PDE4D: variants seen among roughly 807,000 people sequenced by gnomAD.
PDE4D encodes phosphodiesterase 4D.
PDE4D carries 24 observed loss-of-function variants against 87.4 expected under a neutral mutation model. The observed-to-expected ratio is 0.27, with a 90% confidence interval of 0.20 to 0.39. The LOEUF (loss-of-function observed/expected upper bound fraction) is 0.39, where lower values mean the gene tolerates loss of function less well. PDE4D is among the 10% of genes least tolerant of loss of function. The pLI is 1.00. For synonymous variants in PDE4D, 384 were observed against 383.2 expected, an observed-to-expected ratio of 1.00 and a Z score of -0.02; for missense variants, 714 against 1,041.0, an observed-to-expected ratio of 0.69 and a Z score of 4.32.
intron 1 of PDE4D, among the ~76,000 whole-genome samples, chr5:59,547,325 C>A (rs1230872147): frequency 1.3e-5 from 2 of 152,024 alleles, no homozygotes; most frequent in Admixed American, 1.3e-4. Flanking sequence ...GCAGTATATA[C>A]ATAATTCAAA....
rs150340196 is a variant in PDE4D at position 59,200,672 on chromosome 5, G to T, written c.648-7136C>A. 1.7e-4 allele frequency among the ~76,000 whole-genome samples: 14 copies of T among 83,602 alleles called. 1 individual carries two copies. Among genetic ancestry groups the T allele is most frequent in the African/African-American group, 6.0e-4 (12 of 19,904 alleles). 54.8% of individuals were successfully genotyped at this position (83,602 alleles called of 152,430 possible). ...GTATACATACATATGTGTATGTATA[G>T]ATACACGTATACATACATATGTGTA... On this transcript the variant is annotated intron_variant, in intron 2 of 14. Coordinates refer to ENST00000340635, the MANE Select transcript of PDE4D (RefSeq NM_001104631.2).
At chr5:60,391,926 T>C (rs1322934149) in intron 1 of PDE4D, among the ~76,000 whole-genome samples, 1 of 152,192 alleles carries the variant, frequency 6.6e-6, no homozygotes, top group Non-Finnish European at 1.5e-5. Flanking sequence ...TGAGGTATAG[T>C]ACAAACTTCC....
At chr5:59,893,045 T>C in intron 1 of PDE4D, 123 bp downstream of exon 1, 1 of 1,017,386 alleles carries the variant, frequency 9.8e-7, no homozygotes. Flanking sequence ...CCTCCCCCAA[T>C]TTCCAGACTA....
chr5:59,115,081 T>G (rs891148462), intron 5 of PDE4D, among the ~76,000 whole-genome samples: 3 of 144,564 alleles, frequency 2.1e-5, no homozygotes, highest in Non-Finnish European at 4.6e-5. Context: ...GAAGGGGCGA[T>G]AGATGGAGCA....
At chr5:60,365,454 C>T (rs1760438025) in intron 1 of PDE4D, among the ~76,000 whole-genome samples, 2 of 152,110 alleles carry the variant, frequency 1.3e-5, no homozygotes, top group Admixed American at 6.5e-5. Flanking sequence ...AAGTCCCTAC[C>T]ACTCCTTACG....
intron 1 of PDE4D, among the ~76,000 whole-genome samples, chr5:60,401,134 G>A (rs1291223447): frequency 4.6e-5 from 7 of 152,084 alleles, no homozygotes; most frequent in South Asian, 2.1e-4. Context: ...TTTTAAATAC[G>A]GGGAAGATGT....
chr5:59,393,770 A>C (rs774343295), intron 1 of PDE4D, among the ~76,000 whole-genome samples: 38 of 152,232 alleles, frequency 2.5e-4, no homozygotes, highest in Non-Finnish European at 4.7e-4. Flanking sequence ...ACTCATCTTC[A>C]ATCAAGGGCA....
intron 1 of PDE4D, among the ~76,000 whole-genome samples, chr5:59,392,607 G>C (rs1185354613): frequency 6.6e-6 from 1 of 151,422 alleles, no homozygotes; most frequent in African/African-American, 2.4e-5. Context: ...TAATTTCTGT[G>C]TTCTCTTGAA....
rs545725073 is a variant in PDE4D, at chr5:59,794,024, C to T, written c.455+99144G>A. Among the ~76,000 whole-genome samples the T allele has an allele frequency of 7.2e-5, 11 of 152,192 alleles. No individual in the cohort carries two copies. In the South Asian group the frequency reaches 1.5e-3, roughly 20 times the overall value. On this transcript the variant is annotated intron_variant, in intron 1 of 14. Coordinates refer to ENST00000340635, the MANE Select transcript of PDE4D (RefSeq NM_001104631.2). ...GACATTGCACTCATGTGTATACACACACATGCACAGACACACATGCACAGG... is the reference window on the plus strand; with the variant it reads ...GACATTGCACTCATGTGTATACACATACATGCACAGACACACATGCACAGG...
intron 1 of PDE4D, among the ~76,000 whole-genome samples, chr5:59,272,520 C>T (rs1764011304): frequency 2.0e-5 from 3 of 151,644 alleles, no homozygotes; most frequent in Admixed American, 2.0e-4. Flanking sequence ...TTCTCAATTT[C>T]ATGCAGGCAC....
intron 6 of PDE4D, among the ~76,000 whole-genome samples, chr5:59,011,585 CAAG>C (rs1752822083): frequency 6.6e-6 from 1 of 151,724 alleles, no homozygotes; most frequent in South Asian, 2.1e-4. Flanking sequence ...TGAAATGAAG[CAAG>C]AAGAGAAGTT....
At chr5:60,006,164 C>G (rs555892221) in intron 2 of PDE4D, among the ~76,000 whole-genome samples, 1 of 151,794 alleles carries the variant, frequency 6.6e-6, no homozygotes, top group Non-Finnish European at 1.5e-5. Flanking sequence ...GGTAAAGGTA[C>G]AGATGAAACA....
intron 3 of PDE4D, among the ~76,000 whole-genome samples, chr5:59,952,503 A>C (rs1198276452): frequency 6.6e-6 from 1 of 152,184 alleles, no homozygotes; most frequent in Non-Finnish European, 1.5e-5. Context: ...ATTAATATAC[A>C]GATCTTCTTA....
chr5:59,217,790 A>AGATGTT (rs1751579290), intron 1 of PDE4D, among the ~76,000 whole-genome samples: 1 of 152,200 alleles, frequency 6.6e-6, no homozygotes, highest in South Asian at 2.1e-4. Flanking sequence ...CATCTGTTTC[A>AGATGTT]CCAGAATAGG....
Position 59,511,358 on chromosome 5 carries a change from A to T in PDE4D, c.456-295390T>A, listed in dbSNP as rs939456816. Among the ~76,000 whole-genome samples the T allele has an allele frequency of 2.6e-5, 4 of 152,134 alleles. No individual in the cohort carries two copies. The East Asian group carries it at 7.7e-4, about 29-fold the overall frequency. On this transcript the variant is annotated intron_variant, in intron 1 of 14. Coordinates refer to ENST00000340635, the MANE Select transcript of PDE4D (RefSeq NM_001104631.2). ...AATGTGGTTTAGAAAGTAAGATAAA[A>T]AGTATACAATTATTATTATAGCTCC...
intron 1 of PDE4D, among the ~76,000 whole-genome samples, chr5:59,395,620 C>G (rs980197405): frequency 2.1e-5 from 3 of 146,286 alleles, no homozygotes; most frequent in Non-Finnish European, 4.5e-5. Flanking sequence ...GATAAAACCA[C>G]AAAGATGGGG....
At chr5:60,356,330 T>C (rs1463669840) in intron 1 of PDE4D, among the ~76,000 whole-genome samples, 1 of 152,232 alleles carries the variant, frequency 6.6e-6, no homozygotes, top group Non-Finnish European at 1.5e-5. Context: ...GATGAAAATG[T>C]AGCATTTTAC....
chr5:60,212,228 C>T (rs987962713), intron 1 of PDE4D, among the ~76,000 whole-genome samples: 4 of 152,126 alleles, frequency 2.6e-5, no homozygotes, highest in African/African-American at 9.7e-5. Context: ...CTGTCACAGA[C>T]TGGTAAATTT....
intron 1 of PDE4D, among the ~76,000 whole-genome samples, chr5:60,455,226 A>G (rs1746382373): frequency 6.6e-6 from 1 of 152,228 alleles, no homozygotes; most frequent in Non-Finnish European, 1.5e-5. Context: ...CTAATTTTAA[A>G]TGTCTGTAAA....
Sources: allele counts gnomAD v4.1 joint callset (sites outside exome capture counted in the v4.1 genomes callset), GRCh38; gene constraint gnomAD v4.1.1; transcripts MANE v1.5; gene names NCBI Gene and HGNC (gene_info 2026-07-23, HGNC 2026-07-21).